Variants in PRKCB observed in about 807,000 individuals in gnomAD.
The protein encoded by PRKCB is protein kinase C beta.
In PRKCB, 13 loss-of-function variants were observed where a neutral mutation model predicts 81.5. The ratio of observed to expected loss-of-function variants is 0.16; its 90% confidence interval spans 0.10 to 0.25. PRKCB has a LOEUF of 0.25. PRKCB is among the 10% of genes least tolerant of loss of function. The probability of loss-of-function intolerance (pLI) is 1.00; values close to 1 mark genes in which losing one functional copy is unlikely to be tolerated. For missense variants in PRKCB, 509 were observed against 875.7 expected (o/e 0.58, Z 5.29); for synonymous variants, 335 against 321.4 (o/e 1.04, Z -0.45).
chr16:24,049,047 G>GTTTTTTTTTTTTT lies in PRKCB; in HGVS notation c.529+13518_529+13530dup, dbSNP rs1160842975. ...TGATAACATTTCTTCAAATTGGCCT[G>GTTTTTTTTTTTTT]TTTTTTTTTTTTTTTTTTTTTTTTT... is the stretch of plus-strand genomic sequence containing the variant. On this transcript the variant is annotated intron_variant, in intron 5 of 16. Transcript: ENST00000643927. Among the ~76,000 whole-genome samples the GTTTTTTTTTTTTT allele has an allele frequency of 3.8e-4, 19 of 49,692 alleles. 3 individuals carry two copies. Among genetic ancestry groups the GTTTTTTTTTTTTT allele is most frequent in the Admixed American group, 1.1e-3 (3 of 2,730 alleles). 32.6% of individuals were successfully genotyped at this position (49,692 alleles called of 152,430 possible).
chr16:24,109,402 G>A (rs1966640480), intron 7 of PRKCB, among the ~76,000 whole-genome samples: 1 of 125,820 alleles, frequency 7.9e-6, no homozygotes, highest in South Asian at 2.6e-4. Context: ...GGGCGGCCGG[G>A]CAGAGATGCT....
At chr16:24,153,165 A>G (rs423078) in intron 9 of PRKCB, among the ~76,000 whole-genome samples, 27,395 of 151,924 alleles carry the variant, frequency 0.18, 2,723 homozygotes, top group South Asian at 0.3. Flanking sequence ...CTTATTCTAT[A>G]TGTCACCCCT....
chr16:23,945,723 A>AAAAAAGAAAAAGAAAAAG (rs55928068), intron 2 of PRKCB, among the ~76,000 whole-genome samples: 1 of 149,754 alleles, frequency 6.7e-6, no homozygotes, highest in African/African-American at 2.5e-5. Context: ...GCTCTCTGGT[A>AAAAAAGAAAAAGAAAAAG]AAAAAGAAAA....
intron 2 of PRKCB, among the ~76,000 whole-genome samples, chr16:23,974,869 A>T (rs979628845): frequency 2.0e-5 from 3 of 152,170 alleles, no homozygotes; most frequent in Non-Finnish European, 2.9e-5. Flanking sequence ...GGGTGACACC[A>T]TCGGGAGGAA....
At position 24,220,282 on chromosome 16, in the gene PRKCB, A is replaced by G; in HGVS notation, c.*5466A>G. On this transcript the variant is annotated 3_prime_UTR_variant, in exon 17 of 17. Coordinates refer to ENST00000643927, the MANE Select transcript of PRKCB (RefSeq NM_002738.7). ...TGTAGCTTGCTAGTTTGTTTTCTAC[A>G]TTTGAAAATGTTTAGTTTAGAATAA... The G allele has an allele frequency of 3.8e-6, 3 of 780,388 alleles. No homozygotes were observed. The highest frequency in any genetic ancestry group is 3.7e-4 in the Middle Eastern group (1 of 2,718). The allele number at this position is 780,388 out of a possible 1,614,324, so 48.3% of individuals were successfully genotyped here.
rs75817676 is a variant in PRKCB at position 23,895,295 on chromosome 16, G to T, written c.205+57889G>T. Among the ~76,000 whole-genome samples, 751 of 151,988 alleles carry T rather than the reference G, an allele frequency of 4.9e-3. 19 individuals carry two copies. Among genetic ancestry groups the T allele is most frequent in the East Asian group, 0.047 (245 of 5,182 alleles). On this transcript the variant is annotated intron_variant, in intron 2 of 16. Transcript: ENST00000643927. Reference sequence around the variant, plus strand: ...TTTTAGTTTTTGAAAATTTTCTTATGAGCTTTGCCAGAGTGTCACTGTTTT... The same window carrying T: ...TTTTAGTTTTTGAAAATTTTCTTATTAGCTTTGCCAGAGTGTCACTGTTTT...
intron 5 of PRKCB, among the ~76,000 whole-genome samples, chr16:24,052,745 G>T (rs1273132663): frequency 6.6e-6 from 1 of 152,198 alleles, no homozygotes; most frequent in African/African-American, 2.4e-5. Context: ...CGTCACTTTT[G>T]TTGCCATCTT....
At chr16:24,011,725 C>T (rs570744727) in intron 3 of PRKCB, among the ~76,000 whole-genome samples, 7 of 152,030 alleles carry the variant, frequency 4.6e-5, no homozygotes, top group South Asian at 2.1e-4. Flanking sequence ...CTATGTTGCC[C>T]GGATGGGTCT....
chr16:24,062,447 A>G (rs571134329), intron 5 of PRKCB, among the ~76,000 whole-genome samples: 2 of 152,376 alleles, frequency 1.3e-5, no homozygotes, highest in Non-Finnish European at 2.9e-5. Flanking sequence ...CTAATGTCCC[A>G]GTCACATGAC....
intron 9 of PRKCB, 73 bp downstream of exon 9, chr16:24,124,054 A>G (rs1323306749): frequency 3.2e-6 from 5 of 1,560,496 alleles, no homozygotes; most frequent in Admixed American, 1.7e-5. Context: ...TGCTGTTCCT[A>G]TGGGACGGAC....
At chr16:23,872,699 C>A (rs906583328) in intron 2 of PRKCB, among the ~76,000 whole-genome samples, 1 of 152,100 alleles carries the variant, frequency 6.6e-6, no homozygotes, top group Admixed American at 6.6e-5. Flanking sequence ...AAAATATGAA[C>A]TACCTCACAG....
chr16:23,987,016 C>T (rs1321702735), intron 2 of PRKCB, among the ~76,000 whole-genome samples: 1 of 152,160 alleles, frequency 6.6e-6, no homozygotes, highest in African/African-American at 2.4e-5. Context: ...TCCCTAATAT[C>T]AGTAACAATA....
intron 16 of PRKCB, among the ~76,000 whole-genome samples, chr16:24,206,808 T>C: frequency 6.6e-6 from 1 of 152,244 alleles, no homozygotes; most frequent in East Asian, 1.9e-4. Context: ...AGGTACCCTC[T>C]TATGTATCGC....
At chr16:23,990,403 AGCGG>A (rs1174835308) in intron 3 of PRKCB, among the ~76,000 whole-genome samples, 6 of 151,786 alleles carry the variant, frequency 4.0e-5, no homozygotes, top group Non-Finnish European at 8.8e-5. Context: ...GCTTGCAGTA[AGCGG>A]AGATCGCACC....
chr16:23,909,544 G>C (rs916061259), intron 2 of PRKCB, among the ~76,000 whole-genome samples: 1 of 152,124 alleles, frequency 6.6e-6, no homozygotes, highest in Admixed American at 6.5e-5. Flanking sequence ...GGTGAAGTCT[G>C]AGCTTTTTGA....
intron 7 of PRKCB, among the ~76,000 whole-genome samples, chr16:24,110,779 C>G (rs1177936127): frequency 1.3e-5 from 2 of 152,116 alleles, no homozygotes; most frequent in Non-Finnish European, 2.9e-5. Context: ...CTCAGCCTCT[C>G]TAAGTGCTAG....
intron 2 of PRKCB, among the ~76,000 whole-genome samples, chr16:23,903,263 G>A (rs914487601): frequency 8.3e-6 from 1 of 120,574 alleles, no homozygotes; most frequent in Non-Finnish European, 1.9e-5. Context: ...ACTTAAGTGT[G>A]TGTGTGTGTG....
chr16:24,145,996 A>G (rs1000943194), intron 9 of PRKCB, among the ~76,000 whole-genome samples: 1 of 152,234 alleles, frequency 6.6e-6, no homozygotes, highest in African/African-American at 2.4e-5. Flanking sequence ...CCTGAATCCA[A>G]TGGCTGGTGT....
intron 6 of PRKCB, 116 bp downstream of exon 6, chr16:24,093,063 T>A (rs940942417): frequency 1.8e-6 from 2 of 1,112,974 alleles, no homozygotes; most frequent in Non-Finnish European, 2.5e-6. Flanking sequence ...ACCTCCCTCC[T>A]TTTCTGTCTT....
Sources: gnomAD v4.1 joint callset for allele counts (sites outside exome capture counted in the v4.1 genomes callset) on GRCh38, gnomAD v4.1.1 for gene constraint, MANE v1.5 for transcripts, NCBI Gene and HGNC (gene_info 2026-07-23, HGNC 2026-07-21) for gene names.